The following PPARGC1A variants were observed in gnomAD, a reference collection of about 807,000 sequenced individuals.
The protein encoded by PPARGC1A is PPARG coactivator 1 alpha.
In PPARGC1A, 25 loss-of-function variants were observed where a neutral mutation model predicts 88.7. The ratio of observed to expected loss-of-function variants is 0.28; its 90% CI spans 0.21 to 0.39. The LOEUF (loss-of-function observed/expected upper bound fraction) is 0.39. Among genes scored for constraint, PPARGC1A ranks in the 10% least tolerant of loss-of-function variants. The pLI, the probability that PPARGC1A is intolerant of heterozygous loss-of-function variation, is 1.00. For synonymous variants in PPARGC1A, 363 were observed against 355.6 expected (o/e 1.02, Z -0.24); for missense variants, 880 against 968.7 (o/e 0.91, Z 1.22).
intron 7 of PPARGC1A, 37 bp downstream of exon 7, chr4:23,824,243 A>T: frequency 6.5e-7 from 1 of 1,541,640 alleles, no homozygotes; most frequent in Non-Finnish European, 9.0e-7. Context: ...ATATACAGAC[A>T]GACACACACA....
At chr4:23,958,564 G>C in the PPARGC1A span, among the ~76,000 whole-genome samples, 1 of 151,952 alleles carries the variant, frequency 6.6e-6, no homozygotes, top group Non-Finnish European at 1.5e-5. Flanking sequence ...TGCCTTAATG[G>C]TATCAATTTT....
chr4:24,247,610 G>A, the PPARGC1A span, among the ~76,000 whole-genome samples: 5 of 152,152 alleles, frequency 3.3e-5, no homozygotes, highest in Admixed American at 6.5e-5. Context: ...CCCAAGTGGC[G>A]CACACACATA....
chr4:24,076,991 C>T, the PPARGC1A span, among the ~76,000 whole-genome samples: 1 of 151,546 alleles, frequency 6.6e-6, no homozygotes, highest in African/African-American at 2.4e-5. Flanking sequence ...TGTCTTATTT[C>T]TTATTTCCCT....
intron 10 of PPARGC1A, among the ~76,000 whole-genome samples, chr4:23,802,573 G>A (rs979191204): frequency 6.6e-6 from 1 of 151,172 alleles, no homozygotes; most frequent in African/African-American, 2.4e-5. Context: ...AGCTACTCAG[G>A]AGGCTGACGC....
chr4:24,176,535 G>A, the PPARGC1A span, among the ~76,000 whole-genome samples: 2 of 152,084 alleles, frequency 1.3e-5, no homozygotes, highest in East Asian at 3.9e-4. Flanking sequence ...GGGATATTAA[G>A]GAACTAGAAA....
At chr4:24,108,956 A>G in the PPARGC1A span, among the ~76,000 whole-genome samples, 4 of 151,926 alleles carry the variant, frequency 2.6e-5, no homozygotes, top group African/African-American at 9.7e-5. Context: ...GACCTTGGAA[A>G]TATTGGTAAA....
At chr4:23,992,555 T>C in the PPARGC1A span, among the ~76,000 whole-genome samples, 12 of 152,046 alleles carry the variant, frequency 7.9e-5, no homozygotes, top group Non-Finnish European at 1.6e-4. Context: ...AAGTTGGGAT[T>C]TGAACTCAAA....
At chr4:24,241,210 A>C in the PPARGC1A span, among the ~76,000 whole-genome samples, 1 of 152,158 alleles carries the variant, frequency 6.6e-6, no homozygotes, top group South Asian at 2.1e-4. Context: ...ACTCTTTTAC[A>C]AAATATCACA....
chr4:24,060,334 C>A, the PPARGC1A span, among the ~76,000 whole-genome samples: 2 of 152,248 alleles, frequency 1.3e-5, 1 homozygote, highest in African/African-American at 4.8e-5. Context: ...GAAATATACC[C>A]CGTTAAACAA....
At chr4:24,393,376 C>T in the PPARGC1A span, among the ~76,000 whole-genome samples, 1 of 106,254 alleles carries the variant, frequency 9.4e-6, no homozygotes, top group Non-Finnish European at 2.2e-5. Context: ...GAGAAACGGC[C>T]CCTTCCTGTA....
intron 1 of PPARGC1A, chr4:23,889,048 A>G (rs1717386040): frequency 1.0e-6 from 1 of 985,318 alleles, no homozygotes; most frequent in African/African-American, 1.7e-5. Flanking sequence ...TCCCCCCACT[A>G]GACTCCAGAG....
chr4:24,415,777 A>C, the PPARGC1A span, among the ~76,000 whole-genome samples: 3 of 152,238 alleles, frequency 2.0e-5, no homozygotes, highest in Admixed American at 6.5e-5. Flanking sequence ...ATTCTGTATT[A>C]GTTATAAATT....
the PPARGC1A span, among the ~76,000 whole-genome samples, chr4:23,915,451 C>T: frequency 6.6e-6 from 1 of 152,198 alleles, no homozygotes; most frequent in African/African-American, 2.4e-5. Context: ...TCAATAGTAA[C>T]ACCATCCTAG....
chr4:24,141,780 C>G, the PPARGC1A span, among the ~76,000 whole-genome samples: 3 of 152,178 alleles, frequency 2.0e-5, no homozygotes, highest in East Asian at 1.9e-4. Flanking sequence ...AGCTGCATCT[C>G]TCCCTTCAGG....
upstream of PPARGC1A, among the ~76,000 whole-genome samples, chr4:23,905,569 GAATAAA>G (rs1719936244): frequency 1.3e-5 from 2 of 152,088 alleles, no homozygotes; most frequent in Admixed American, 6.5e-5. Flanking sequence ...TTGGTGGCTA[GAATAAA>G]AATAAAAATA....
At chr4:23,879,231 G>T (rs1216199618) in intron 2 of PPARGC1A, among the ~76,000 whole-genome samples, 1 of 152,132 alleles carries the variant, frequency 6.6e-6, no homozygotes, top group Non-Finnish European at 1.5e-5. Flanking sequence ...ATTCCAGGAG[G>T]TTTGCCATTC....
chr4:24,357,363 T>C, the PPARGC1A span, among the ~76,000 whole-genome samples: 1 of 152,242 alleles, frequency 6.6e-6, no homozygotes, highest in Non-Finnish European at 1.5e-5. Flanking sequence ...CCAAAGTCCA[T>C]ACTCTTACTC....
the PPARGC1A span, among the ~76,000 whole-genome samples, chr4:23,943,101 A>G: frequency 2.6e-5 from 4 of 152,290 alleles, no homozygotes; most frequent in Admixed American, 2.6e-4. Context: ...CTCAGTTCAT[A>G]GCCCAGCAAA....
At chr4:23,910,408 ACCC>A in the PPARGC1A span, among the ~76,000 whole-genome samples, 7 of 109,616 alleles carry the variant, frequency 6.4e-5, no homozygotes, top group Admixed American at 5.4e-4. Flanking sequence ...ATATATATTA[ACCC>A]TATATATATT....
Sources: allele counts gnomAD v4.1 joint callset (sites outside exome capture counted in the v4.1 genomes callset), GRCh38; gene constraint gnomAD v4.1.1; transcripts MANE v1.5; gene names NCBI Gene and HGNC (gene_info 2026-07-23, HGNC 2026-07-21).